The following GNPAT variants were observed in gnomAD, a reference collection of about 807,000 sequenced individuals.
GNPAT encodes the protein dihydroxyacetone phosphate acyltransferase.
Under a neutral mutation model 78.4 loss-of-function variants are expected in GNPAT, and 30 were observed. The observed-to-expected ratio is 0.38, with a 90% CI of 0.29 to 0.52. The LOEUF is 0.52. Among genes scored for constraint, GNPAT ranks in the 20% least tolerant of loss-of-function variants. GNPAT has a pLI of 0.84. For missense variants in GNPAT, 714 were observed against 812.2 expected (o/e 0.88, Z 1.47); for synonymous variants, 271 against 281.1 (o/e 0.96, Z 0.36).
intron 1 of GNPAT, among the ~76,000 whole-genome samples, chr1:231,242,683 A>G (rs535419340): frequency 6.6e-6 from 1 of 152,346 alleles, no homozygotes; most frequent in Non-Finnish European, 1.5e-5. Flanking sequence ...TAGCTTTTTA[A>G]GCTCCCAACT....
chr1:231,260,749 AAC>A (rs1685202230), intron 3 of GNPAT, 66 bp downstream of exon 3: 10 of 1,134,482 alleles, frequency 8.8e-6, no homozygotes, highest in South Asian at 3.9e-5. Flanking sequence ...CAAAAAAAAA[AAC>A]AGTCTCTTTT....
At chr1:231,262,696 A>G (rs1685254437) in intron 3 of GNPAT, 27 bp from the exon 4 acceptor site, 3 of 1,578,700 alleles carry the variant, frequency 1.9e-6, no homozygotes, top group Admixed American at 1.7e-5. Context: ...AACTGAAATT[A>G]TTCAAAATGT....
At chr1:231,274,198 T>C in intron 12 of GNPAT, 136 bp downstream of exon 12, 1 of 820,316 alleles carries the variant, frequency 1.2e-6, no homozygotes, top group Non-Finnish European at 2.1e-6. Flanking sequence ...GAGTGACTAA[T>C]ACGATCAGTG....
At chr1:231,264,037 T>A (rs1395641446) in intron 4 of GNPAT, among the ~76,000 whole-genome samples, 1 of 152,214 alleles carries the variant, frequency 6.6e-6, no homozygotes, top group Non-Finnish European at 1.5e-5. Context: ...ATTTCATGGG[T>A]TACCTTTTCA....
Position 231,275,435 on chromosome 1 carries a change from C to T in GNPAT, c.1874C>T (p.Ser625Phe), listed in dbSNP as rs1258342049. Residue 625 changes from serine to phenylalanine, a missense_variant, in exon 14 of 16, where the codon TCT becomes TTT. Ser to Phe is a radical substitution (Grantham distance 155). Transcript: ENST00000366647. ...GTSQCYDVLSSDVQKNALAAC... is the reference protein window; with the variant it reads ...GTSQCYDVLSFDVQKNALAAC... ...TCTCAATGTTATGATGTATTATCTT[C>T]TGATGTGCAGAAAAACGCCTTAGCA... is the stretch of plus-strand genomic sequence containing the variant. 1.2e-6 allele frequency: 2 copies of T among 1,611,936 alleles called. No individual in the cohort carries two copies. Among genetic ancestry groups the T allele is most frequent in the Non-Finnish European group, 1.7e-6 (2 of 1,177,984 alleles).
chr1:231,273,004 C>T (rs1432303618), intron 11 of GNPAT, among the ~76,000 whole-genome samples: 1 of 152,072 alleles, frequency 6.6e-6, no homozygotes, highest in Non-Finnish European at 1.5e-5. Flanking sequence ...ACAACAAAAT[C>T]AGCACACATT....
At chr1:231,256,144 CATA>C (rs1685051194) in intron 2 of GNPAT, among the ~76,000 whole-genome samples, 2 of 152,236 alleles carry the variant, frequency 1.3e-5, no homozygotes, top group African/African-American at 4.8e-5. Context: ...TAAATAATAA[CATA>C]ATAAGAACAT....
intron 2 of GNPAT, among the ~76,000 whole-genome samples, chr1:231,251,430 T>C (rs1413787554): frequency 1.3e-5 from 2 of 152,140 alleles, no homozygotes; most frequent in African/African-American, 4.8e-5. Flanking sequence ...TAATTAATTA[T>C]AGGGGCAACT....
In GNPAT at chr1:231,267,814, G is replaced by A. The variant is rs377107673; in HGVS notation, c.1190G>A (p.Arg397Gln). 40 of 1,613,430 alleles carry A rather than the reference G, an allele frequency of 2.5e-5. No homozygotes were observed. Among genetic ancestry groups the A allele is most frequent in the Non-Finnish European group, 3.1e-5 (36 of 1,179,520 alleles). Residue 397 changes from arginine (R) to glutamine (Q), a missense_variant, in exon 9 of 16, where the codon CGG (arginine) becomes CAG (glutamine). Transcript: ENST00000366647. ...TLIVAVLLQN[R>Q]PSMDFDALVE... ...ATAGTTGCTGTTCTGCTTCAGAACC[G>A]GCCATCCATGGACTTTGATGCTCTG... is the stretch of plus-strand genomic sequence containing the variant.
At position 231,276,296 on chromosome 1, in the gene GNPAT, A is replaced by G. The variant is rs1014472533; in HGVS notation, c.1999+100A>G. On this transcript the variant is annotated intron_variant, in intron 15 of 15. Transcript: ENST00000366647. ...CAAATACTTTATCAAAATGATCAGT[A>G]AGTAGTAGAGTTCTAACATAAAAGG... 4.2e-6 allele frequency: 3 copies of G among 706,720 alleles called. No homozygotes were observed. In the African/African-American group the frequency reaches 5.3e-5, roughly 13 times the overall value. The allele number at this position is 706,720 out of a possible 1,614,324, so 43.8% of individuals were successfully genotyped here. A position where few individuals can be genotyped will look rare whatever the true frequency, so the allele number is the denominator to read the frequency against.
intron 11 of GNPAT, among the ~76,000 whole-genome samples, chr1:231,273,179 GT>G (rs1685613971): frequency 6.6e-6 from 1 of 151,280 alleles, no homozygotes; most frequent in African/African-American, 2.4e-5. Context: ...TGAGAGGCAT[GT>G]TAGGTGTTTG....
intron 4 of GNPAT, 111 bp from the exon 5 acceptor site, chr1:231,265,182 T>C (rs2102817493): frequency 1.2e-6 from 1 of 859,964 alleles, no homozygotes; most frequent in Non-Finnish European, 1.9e-6. Context: ...AGCGAGACCC[T>C]GTCTCATAAA....
rs1298468979 is a variant in GNPAT, at chr1:231,273,994, A to G, written c.1675A>G (p.Thr559Ala). ...IQVTTKDILVTEKGNTVLEFL... is the reference protein window; with the variant it reads ...IQVTTKDILVAEKGNTVLEFL... ...AGTGACTACGAAAGACATCCTAGTT[A>G]CAGAGAAAGGAAATACTGTGTTAGA... is the stretch of plus-strand genomic sequence containing the variant. The change falls in exon 12 of 16, where the codon ACA becomes GCA. Residue 559 changes from threonine to alanine, a missense_variant. Transcript: ENST00000366647. 1.2e-6 allele frequency: 2 copies of G among 1,610,816 alleles called. No individual in the cohort carries two copies. The highest frequency in any genetic ancestry group is 1.7e-5 in the Admixed American group (1 of 60,014).
intron 2 of GNPAT, among the ~76,000 whole-genome samples, chr1:231,260,028 CT>C (rs1242887998): frequency 6.6e-6 from 1 of 152,120 alleles, no homozygotes; most frequent in Non-Finnish European, 1.5e-5. Context: ...ACTAATTATC[CT>C]TTGATAGCTT....
chr1:231,264,211 A>C (rs1197066182), intron 4 of GNPAT, among the ~76,000 whole-genome samples: 1 of 152,130 alleles, frequency 6.6e-6, no homozygotes, highest in African/African-American at 2.4e-5. Context: ...TTTTATCCTA[A>C]GAGTTTTATG....
intron 11 of GNPAT, among the ~76,000 whole-genome samples, chr1:231,272,682 A>G (rs1054581152): frequency 3.3e-5 from 5 of 152,220 alleles, no homozygotes; most frequent in Admixed American, 3.3e-4. Context: ...TTTAAAAATC[A>G]GCACACAGCC....
At chr1:231,270,159 A>G (rs1367101493) in intron 9 of GNPAT, 1 of 156,806 alleles carries the variant, frequency 6.4e-6, no homozygotes, top group Non-Finnish European at 1.4e-5. Flanking sequence ...ATGCTTCTGT[A>G]ATTCTACCTG....
At position 231,275,329 on chromosome 1, in the gene GNPAT, C is replaced by T. The variant is rs376235950; in HGVS notation, c.1843+9C>T. On this transcript the variant is annotated intron_variant, in intron 13 of 15. Coordinates refer to ENST00000366647, the MANE Select transcript of GNPAT (RefSeq NM_014236.4). ...TCAGCTTCTCGATCAAGGTCAGTCA[C>T]TGCTCTGTGGGTGCTGATTTCTTTT... 19 of 1,597,136 alleles carry T rather than the reference C, an allele frequency of 1.2e-5. No individual in the cohort carries two copies. In the African/African-American group the frequency reaches 2.0e-4, roughly 17 times the overall value.
Position 231,266,055 on chromosome 1 carries a change from G to A in GNPAT, c.814G>A (p.Val272Ile), listed in dbSNP as rs758117354. Residue 272 changes from valine (V) to isoleucine (I), a missense_variant, in exon 7 of 16, where the codon GTT becomes ATT. By Grantham distance (29) the Val-to-Ile change is conservative. Transcript: ENST00000366647. ...IVMEPFFKRE[V>I]FDTYLVPISI... ...GATGGAGCCATTTTTTAAAAGAGAA[G>A]TTTTTGATACCTACCTTGTCCCAAT... 6.8e-6 allele frequency: 11 copies of A among 1,612,364 alleles called. 1 individual carries two copies. The South Asian group carries it at 9.9e-5, about 14-fold the overall frequency.
Sources: allele counts gnomAD v4.1 joint callset (sites outside exome capture counted in the v4.1 genomes callset), GRCh38; gene constraint gnomAD v4.1.1; transcripts MANE v1.5; gene names NCBI Gene and HGNC (gene_info 2026-07-23, HGNC 2026-07-21).